The following STIMATE variants were observed in gnomAD, a reference collection of about 807,000 sequenced individuals.
The protein encoded by STIMATE is STIM activating enhancer.
STIMATE carries 15 observed loss-of-function variants against 36.7 expected under a neutral mutation model. That is an observed-to-expected ratio of 0.41 (90% CI 0.27 to 0.63). The LOEUF is 0.63. Ranked by LOEUF, STIMATE falls within the 20% of genes least tolerant of loss-of-function variation. The pLI is 0.32. For synonymous variants in STIMATE, 163 were observed against 162.3 expected (o/e 1.00, Z -0.03); for missense variants, 305 against 397.3 (o/e 0.77, Z 1.98).
intron 2 of STIMATE, among the ~76,000 whole-genome samples, chr3:52,855,121 G>A (rs573592562): frequency 6.6e-6 from 1 of 152,300 alleles, no homozygotes; most frequent in East Asian, 1.9e-4. Flanking sequence ...CAGCATCGGG[G>A]ACTGATGTAT....
chr3:52,846,665 T>C (rs1213127050), intron 4 of STIMATE: 1 of 152,224 alleles, frequency 6.6e-6, no homozygotes, highest in African/African-American at 2.4e-5. Flanking sequence ...GCTGCCTCTT[T>C]AGATGCTAAA....
chr3:52,877,594 TC>T lies in STIMATE; in HGVS notation c.160+19696del, dbSNP rs139241449. Among the ~76,000 whole-genome samples, 10 of 152,312 alleles carry T rather than the reference TC, an allele frequency of 6.6e-5. No homozygotes were observed. The East Asian group carries it at 1.9e-3, about 29-fold the overall frequency. On this transcript the variant is annotated intron_variant, in intron 1 of 7. Transcript: ENST00000355083. ...CGGTGAGCCATTCAATCCCTCCAGT[TC>T]GACCTGTACATGAAGTCTTGGATTA...
intron 1 of STIMATE, among the ~76,000 whole-genome samples, chr3:52,872,823 A>G (rs1045303951): frequency 1.4e-4 from 22 of 152,100 alleles, no homozygotes; most frequent in Admixed American, 6.5e-4. Context: ...ATGGGGTTTC[A>G]CCATGTTGGC....
chr3:52,882,363 A>C (rs943347187), intron 1 of STIMATE, among the ~76,000 whole-genome samples: 9 of 152,252 alleles, frequency 5.9e-5, no homozygotes, highest in Admixed American at 3.9e-4. Context: ...TCGTAAACTA[A>C]CCTTGAGGAA....
At chr3:52,880,297 C>A (rs1701581157) in intron 1 of STIMATE, among the ~76,000 whole-genome samples, 1 of 152,216 alleles carries the variant, frequency 6.6e-6, no homozygotes, top group South Asian at 2.1e-4. Context: ...GCTTCGCACA[C>A]CTGATGCTAT....
intron 1 of STIMATE, among the ~76,000 whole-genome samples, chr3:52,880,292 G>A (rs1022556332): frequency 6.6e-6 from 1 of 152,176 alleles, no homozygotes; most frequent in African/African-American, 2.4e-5. Flanking sequence ...ACTTAGCTTC[G>A]CACACCTGAT....
intron 1 of STIMATE, among the ~76,000 whole-genome samples, chr3:52,874,005 G>A (rs924098125): frequency 6.6e-6 from 1 of 152,188 alleles, no homozygotes; most frequent in African/African-American, 2.4e-5. Context: ...AGTTGCGTCA[G>A]GTTATTTTGG....
At position 52,852,664 on chromosome 3, in the gene STIMATE, G is replaced by T. The variant is rs1432790346; in HGVS notation, c.244C>A (p.Leu82Met). Reference protein sequence around the residue: ...LDTSKQAIGMLFIHFANVYLA... With the variant: ...LDTSKQAIGMMFIHFANVYLA... ...TATACATTTGCAAAGTGGATGAACA[G>T]CATTCCTATGGCTTGTTTGGAAGTG... The change falls in exon 3 of 8, where the codon CTG (leucine) becomes ATG (methionine). Residue 82 changes from leucine (L) to methionine (M), a missense_variant. This residue lies in a region of STIMATE where 164 missense variants were observed against 257.9 expected (regional missense o/e 0.64). Transcript: ENST00000355083. The T allele has an allele frequency of 6.2e-7, 1 of 1,614,190 alleles. No homozygotes were observed. The highest frequency in any genetic ancestry group is 1.1e-5 in the South Asian group (1 of 91,086).
chr3:52,867,599 C>T (rs1028807744), intron 1 of STIMATE, among the ~76,000 whole-genome samples: 2 of 152,258 alleles, frequency 1.3e-5, no homozygotes, highest in African/African-American at 4.8e-5. Flanking sequence ...CAGGACCACT[C>T]CCTGATGGCC....
In STIMATE at chr3:52,863,832, G is replaced by C. The variant is rs555239902; in HGVS notation, c.161-8388C>G. ...CCCATGCAAGTCCGAAATCCAGCTG[G>C]GCAGTCAAATTTTAAAGCTCCAAAA... is the stretch of plus-strand genomic sequence containing the variant. On this transcript the variant is annotated intron_variant, in intron 1 of 7. Transcript: ENST00000355083. Among the ~76,000 whole-genome samples the C allele has an allele frequency of 5.3e-5, 8 of 152,316 alleles. 1 individual carries two copies. Among genetic ancestry groups the C allele is most frequent in the African/African-American group, 9.6e-5 (4 of 41,566 alleles).
At chr3:52,845,267 G>T (rs572825957) in intron 4 of STIMATE, among the ~76,000 whole-genome samples, 26 of 152,382 alleles carry the variant, frequency 1.7e-4, no homozygotes, top group Non-Finnish European at 2.9e-4. Flanking sequence ...GCTGGCAGCA[G>T]AAGCTGTATG....
chr3:52,866,010 C>T (rs944282377), intron 1 of STIMATE, among the ~76,000 whole-genome samples: 1 of 152,182 alleles, frequency 6.6e-6, no homozygotes, highest in Admixed American at 6.5e-5. Flanking sequence ...TACATGGCAT[C>T]CCACAGTGTG....
At chr3:52,845,931 G>A (rs1365389300) in intron 4 of STIMATE, among the ~76,000 whole-genome samples, 1 of 98,076 alleles carries the variant, frequency 1.0e-5, no homozygotes, top group East Asian at 3.2e-4. Flanking sequence ...TAGCATTTTG[G>A]GGGTGGCGGG....
At chr3:52,862,948 A>G (rs1701242015) in intron 1 of STIMATE, among the ~76,000 whole-genome samples, 1 of 152,206 alleles carries the variant, frequency 6.6e-6, no homozygotes, top group Non-Finnish European at 1.5e-5. Flanking sequence ...TTATGCAGCC[A>G]CATGCCAAGG....
At chr3:52,857,935 C>A (rs992854828) in intron 1 of STIMATE, among the ~76,000 whole-genome samples, 2 of 152,074 alleles carry the variant, frequency 1.3e-5, no homozygotes, top group East Asian at 1.9e-4. Flanking sequence ...TTTTGGCGGG[C>A]CCTAATCCAA....
chr3:52,840,022 GAGTA>G lies in STIMATE; in HGVS notation c.*468_*471del. On this transcript the variant is annotated 3_prime_UTR_variant, in exon 8 of 8. Coordinates refer to ENST00000355083, the MANE Select transcript of STIMATE (RefSeq NM_198563.5). Reference sequence around the variant, plus strand: ...AATCAATAGTTACAAAAGCCATTTTGAGTAAGAAAGCATTCCGGTTCCAACTTGG... The same window carrying G: ...AATCAATAGTTACAAAAGCCATTTTGAGAAAGCATTCCGGTTCCAACTTGG... 6.6e-6 allele frequency: 1 copy of G among 152,626 alleles called. No individual in the cohort carries two copies. The highest frequency in any genetic ancestry group is 1.5e-5 in the Non-Finnish European group (1 of 68,036). 9.5% of individuals were successfully genotyped at this position (152,626 alleles called of 1,614,324 possible).
chr3:52,846,932 C>T (rs1333326968), intron 4 of STIMATE, among the ~76,000 whole-genome samples: 1 of 152,152 alleles, frequency 6.6e-6, no homozygotes, highest in Admixed American at 6.5e-5. Context: ...GAGATGGGGT[C>T]TCACTCTGTC....
intron 1 of STIMATE, among the ~76,000 whole-genome samples, chr3:52,868,924 C>T (rs1248636897): frequency 6.6e-6 from 1 of 152,072 alleles, no homozygotes; most frequent in Non-Finnish European, 1.5e-5. Context: ...CTGGCCACAC[C>T]TCAGGAACGT....
In STIMATE at chr3:52,896,804, C is replaced by A. The variant is rs1185115754; in HGVS notation, c.160+487G>T. ...AAACGGAAGGCATGGCCCTAACACT[C>A]CAGGTGTTGAGAGGGATGCAAAGTA... On this transcript the variant is annotated intron_variant, in intron 1 of 7. Transcript: ENST00000355083. Among the ~76,000 whole-genome samples the A allele has an allele frequency of 2.6e-5, 4 of 152,058 alleles. No individual in the cohort carries two copies. The East Asian group carries it at 5.8e-4, about 22-fold the overall frequency.
Sources: gnomAD v4.1 joint callset for allele counts (sites outside exome capture counted in the v4.1 genomes callset) on GRCh38, gnomAD v4.1.1 for gene constraint, gnomAD v4.1.1 regional missense constraint, MANE v1.5 for transcripts, NCBI Gene and HGNC (gene_info 2026-07-23, HGNC 2026-07-21) for gene names.